LRP1B: variants seen among roughly 807,000 people sequenced by gnomAD.
The protein encoded by LRP1B is LDL receptor related protein 1B.
A neutral mutation model predicts 556.6 loss-of-function variants in LRP1B; 217 were observed. The observed-to-expected ratio is 0.39, with a 90% confidence interval of 0.35 to 0.44. The LOEUF is 0.44. LRP1B is among the 20% of genes least tolerant of loss of function. The probability of loss-of-function intolerance (pLI) is 1.00; values close to 1 mark genes in which losing one functional copy is unlikely to be tolerated. For synonymous variants in LRP1B, 2,047 were observed against 1,865.8 expected (o/e 1.10, Z -2.50); for missense variants, 5,053 against 5,620.8 (o/e 0.90, Z 3.23).
At chr2:140,863,779 A>G (rs1321116147) in intron 27 of LRP1B, among the ~76,000 whole-genome samples, 2 of 152,118 alleles carry the variant, frequency 1.3e-5, no homozygotes, top group East Asian at 1.9e-4. Flanking sequence ...TTCATTTACT[A>G]TACTCTTACA....
At chr2:140,764,803 C>A (rs1171574509) in intron 35 of LRP1B, among the ~76,000 whole-genome samples, 1 of 152,076 alleles carries the variant, frequency 6.6e-6, no homozygotes, top group East Asian at 1.9e-4. Flanking sequence ...ATATTAGCAT[C>A]TATCGTTAAC....
At chr2:140,985,433 C>A (rs1469978018) in intron 17 of LRP1B, among the ~76,000 whole-genome samples, 1 of 150,750 alleles carries the variant, frequency 6.6e-6, no homozygotes, top group Admixed American at 6.7e-5. Flanking sequence ...TGTAATCTAA[C>A]CAGAGCGCTA....
At chr2:141,536,780 T>C (rs374598598) in intron 2 of LRP1B, among the ~76,000 whole-genome samples, 2 of 151,996 alleles carry the variant, frequency 1.3e-5, no homozygotes, top group Non-Finnish European at 2.9e-5. Flanking sequence ...ATAATATCAA[T>C]TTTTTTCTTG....
intron 41 of LRP1B, among the ~76,000 whole-genome samples, chr2:140,602,823 T>C (rs2105203207): frequency 6.6e-6 from 1 of 152,148 alleles, no homozygotes; most frequent in South Asian, 2.1e-4. Context: ...TGCCACATGC[T>C]AGAAATGATA....
intron 43 of LRP1B, among the ~76,000 whole-genome samples, chr2:140,598,357 C>T (rs1332198586): frequency 6.6e-6 from 1 of 152,142 alleles, no homozygotes; most frequent in East Asian, 1.9e-4. Context: ...AATTCCAGTT[C>T]TATTAATAAC....
At chr2:141,981,584 T>G (rs550303387) in intron 1 of LRP1B, among the ~76,000 whole-genome samples, 2 of 152,082 alleles carry the variant, frequency 1.3e-5, no homozygotes, top group Non-Finnish European at 1.5e-5. Context: ...AATAAACTGA[T>G]CTGTATTTTT....
chr2:141,203,182 C>T (rs751740540), intron 6 of LRP1B, among the ~76,000 whole-genome samples: 17 of 152,162 alleles, frequency 1.1e-4, no homozygotes, highest in South Asian at 8.3e-4. Context: ...CAAATTCACA[C>T]ATAACAATAT....
chr2:141,389,280 A>C (rs1689959139), intron 3 of LRP1B, among the ~76,000 whole-genome samples: 1 of 152,222 alleles, frequency 6.6e-6, no homozygotes, highest in African/African-American at 2.4e-5. Flanking sequence ...GCATACATGT[A>C]GATCAATGGA....
intron 3 of LRP1B, among the ~76,000 whole-genome samples, chr2:141,467,102 G>GTATATATATATATA (rs1384566758): frequency 1.2e-5 from 1 of 84,390 alleles, no homozygotes; most frequent in African/African-American, 5.9e-5. Flanking sequence ...ATATATATGT[G>GTATATATATATATA]TATATATATA....
intron 1 of LRP1B, among the ~76,000 whole-genome samples, chr2:141,844,212 C>G (rs1258128244): frequency 1.3e-5 from 2 of 152,078 alleles, no homozygotes; most frequent in African/African-American, 4.8e-5. Flanking sequence ...TTACCTTCTA[C>G]TCATTCAGGC....
At chr2:141,314,808 A>T (rs372755801) in intron 3 of LRP1B, among the ~76,000 whole-genome samples, 10,136 of 64,828 alleles carry the variant, frequency 0.16, 509 homozygotes, top group South Asian at 0.21. Context: ...AAAAAAAAAA[A>T]TTTATATATA....
intron 79 of LRP1B, among the ~76,000 whole-genome samples, chr2:140,331,037 T>C (rs1045387137): frequency 2.0e-5 from 3 of 152,050 alleles, no homozygotes; most frequent in African/African-American, 7.2e-5. Context: ...ACAATAGTAT[T>C]TCATACTATT....
At chr2:140,427,352 C>T (rs1685708177) in intron 66 of LRP1B, among the ~76,000 whole-genome samples, 1 of 152,148 alleles carries the variant, frequency 6.6e-6, no homozygotes. Flanking sequence ...TTCTCCGTGT[C>T]TTTACCCTTC....
intron 82 of LRP1B, among the ~76,000 whole-genome samples, chr2:140,316,312 A>C (rs1215503262): frequency 2.0e-5 from 3 of 152,170 alleles, no homozygotes; most frequent in African/African-American, 7.2e-5. Context: ...ATGCACTGGC[A>C]CATACATGAC....
In LRP1B at chr2:140,893,240, AGAAAGCTCTTACATTC is replaced by A. The variant is rs1209389968; in HGVS notation, c.3767-6921_3767-6906del. 2.0e-5 allele frequency among the ~76,000 whole-genome samples: 3 copies of A among 152,222 alleles called. No homozygotes were observed. In the East Asian group the frequency reaches 5.8e-4, roughly 29 times the overall value. On this transcript the variant is annotated intron_variant, in intron 23 of 90. Coordinates refer to ENST00000389484, the MANE Select transcript of LRP1B (RefSeq NM_018557.3). ...GAAAGGGTCCAACTACTTAAAACAG[AGAAAGCTCTTACATTC>A]AATAATCATTTGCTGCAAAATGTTC...
intron 2 of LRP1B, among the ~76,000 whole-genome samples, chr2:141,531,113 G>A (rs995733922): frequency 6.6e-6 from 1 of 152,136 alleles, no homozygotes; most frequent in Non-Finnish European, 1.5e-5. Flanking sequence ...CAAGAAGGTA[G>A]TGAATGTATC....
intron 57 of LRP1B, among the ~76,000 whole-genome samples, chr2:140,492,333 A>G (rs1486584825): frequency 6.6e-6 from 1 of 152,166 alleles, no homozygotes; most frequent in Non-Finnish European, 1.5e-5. Flanking sequence ...TATACTTAAA[A>G]CTGGCATAAA....
chr2:140,458,857 A>G (rs1199105613), intron 60 of LRP1B, among the ~76,000 whole-genome samples: 3 of 151,928 alleles, frequency 2.0e-5, no homozygotes, highest in African/African-American at 7.2e-5. Flanking sequence ...TGATAGGCCA[A>G]ATGTTATCAG....
chr2:140,499,842 T>C (rs879483732), intron 55 of LRP1B, among the ~76,000 whole-genome samples: 4 of 151,964 alleles, frequency 2.6e-5, no homozygotes, highest in African/African-American at 4.8e-5. Flanking sequence ...AATACATCAT[T>C]ATGTGGTACA....
Sources: gnomAD v4.1 joint callset for allele counts (sites outside exome capture counted in the v4.1 genomes callset) on GRCh38, gnomAD v4.1.1 for gene constraint, MANE v1.5 for transcripts, NCBI Gene and HGNC (gene_info 2026-07-23, HGNC 2026-07-21) for gene names.